PCCB: variants seen among roughly 807,000 people sequenced by gnomAD.
PCCB encodes propionyl-CoA carboxylase beta chain, mitochondrial.
A neutral mutation model predicts 60.7 loss-of-function variants in PCCB; 43 were observed. That is an observed-to-expected ratio of 0.71 (90% confidence interval 0.55 to 0.91). The LOEUF (loss-of-function observed/expected upper bound fraction) is 0.91. PCCB is among the 40% of genes least tolerant of loss of function. PCCB has a pLI of 0.00. For missense variants in PCCB, 766 were observed against 702.8 expected (o/e 1.09, Z -1.02); for synonymous variants, 276 against 255.9 (o/e 1.08, Z -0.75).
At chr3:136,308,368 A>G (rs1934525410) in intron 9 of PCCB, among the ~76,000 whole-genome samples, 3 of 151,812 alleles carry the variant, frequency 2.0e-5, no homozygotes, top group Admixed American at 1.3e-4. Context: ...CAGGAAGGAC[A>G]TTTTCAACTG....
intron 6 of PCCB, among the ~76,000 whole-genome samples, chr3:136,288,428 C>T (rs1220900380): frequency 6.6e-6 from 1 of 151,850 alleles, no homozygotes; most frequent in African/African-American, 2.4e-5. Flanking sequence ...TCACTGCAAC[C>T]TTCGGCTCCC....
chr3:136,293,669 C>T (rs1457933844), intron 6 of PCCB, 87 bp from the exon 7 acceptor site: 5 of 846,686 alleles, frequency 5.9e-6, no homozygotes, highest in Non-Finnish European at 1.0e-5. Flanking sequence ...ATCTTCTCTG[C>T]ATTTGTCATC....
chr3:136,293,747 T>C lies in PCCB; in HGVS notation c.655-9T>C. ...TGAGGTTGACTGTTCTGGAAATCTT[T>C]TATTTCAGGACACCTCCTACCTGTT... On this transcript the variant is annotated splice_polypyrimidine_tract_variant and intron_variant, in intron 6 of 14. Transcript: ENST00000251654. 6.4e-7 allele frequency: 1 copy of C among 1,573,486 alleles called. No individual in the cohort carries two copies.
chr3:136,270,506 T>A (rs931773055), intron 5 of PCCB, among the ~76,000 whole-genome samples: 1 of 126,428 alleles, frequency 7.9e-6, no homozygotes, highest in Admixed American at 7.5e-5. Context: ...TTTTTTGACA[T>A]TTTTTTTTTT....
rs1560002278 is a variant in PCCB at position 136,268,084 on chromosome 3, G to GTGTGTAGATA, written c.543+6020_543+6021insGTGTAGATAT. Among the ~76,000 whole-genome samples, 204 of 60,932 alleles carry GTGTGTAGATA rather than the reference G, an allele frequency of 3.3e-3. 2 individuals are homozygous for GTGTGTAGATA. The highest frequency in any genetic ancestry group is 0.01 in the Admixed American group (59 of 5,732). The allele number at this position is 60,932 out of a possible 152,430, so 40.0% of individuals were successfully genotyped here. On this transcript the variant is annotated intron_variant, in intron 5 of 14. Transcript: ENST00000251654. ...TGTGTGCGTGTGTGTGTGTGTGTGTGTAGATATATATATATATATATATAT... is the reference window on the plus strand; with the variant it reads ...TGTGTGCGTGTGTGTGTGTGTGTGTGTGTGTAGATATAGATATATATATATATATATATAT...
At chr3:136,315,826 CA>C (rs1030127256) in intron 9 of PCCB, among the ~76,000 whole-genome samples, 40 of 143,442 alleles carry the variant, frequency 2.8e-4, no homozygotes, top group Middle Eastern at 7.5e-3. Context: ...AGACCTGTCT[CA>C]AAAAAAAAAT....
Position 136,330,140 on chromosome 3 carries a change from TA to T in PCCB, c.*116del. 1.3e-6 allele frequency: 2 copies of T among 1,561,482 alleles called. No homozygotes were observed. The highest frequency in any genetic ancestry group is 1.7e-6 in the Non-Finnish European group (2 of 1,144,622). ...ATCCAAATAGTTGGATAACTTAGAA[TA>T]ACTAAGTTTATTAAATTCTAGAAAG... On this transcript the variant is annotated 3_prime_UTR_variant, in exon 15 of 15. Coordinates refer to ENST00000251654, the MANE Select transcript of PCCB (RefSeq NM_000532.5).
chr3:136,298,814 A>G (rs1025685014), intron 8 of PCCB, among the ~76,000 whole-genome samples: 5 of 152,194 alleles, frequency 3.3e-5, no homozygotes, highest in Non-Finnish European at 7.3e-5. Flanking sequence ...TTTCTTCTGC[A>G]GAAGGGATTT....
chr3:136,297,702 G>A (rs1390894999), intron 7 of PCCB, among the ~76,000 whole-genome samples: 1 of 152,180 alleles, frequency 6.6e-6, no homozygotes, highest in Non-Finnish European at 1.5e-5. Flanking sequence ...GCAAGGACCT[G>A]AATAAAGAAA....
intron 10 of PCCB, among the ~76,000 whole-genome samples, chr3:136,317,436 C>T (rs761227846): frequency 2.0e-5 from 3 of 151,564 alleles, no homozygotes; most frequent in Non-Finnish European, 4.4e-5. Context: ...GCCATGTTGC[C>T]TGTGCTGGTT....
At chr3:136,293,904 T>C in intron 7 of PCCB, 40 bp downstream of exon 7, 1 of 1,184,396 alleles carries the variant, frequency 8.4e-7, no homozygotes, top group Non-Finnish European at 1.3e-6. Flanking sequence ...TTTCAAACAT[T>C]GAGAAGAGGG....
At chr3:136,288,753 T>C (rs1933539845) in intron 6 of PCCB, among the ~76,000 whole-genome samples, 1 of 152,148 alleles carries the variant, frequency 6.6e-6, no homozygotes, top group Admixed American at 6.5e-5. Flanking sequence ...GATCCTCCTG[T>C]GTAGCTGGGA....
At chr3:136,329,834 T>G in intron 14 of PCCB, 71 bp from the exon 15 acceptor site, 1 of 1,572,490 alleles carries the variant, frequency 6.4e-7, no homozygotes, top group Non-Finnish European at 8.7e-7. Flanking sequence ...GTGCCCAGGC[T>G]GAGCAGAAGG....
chr3:136,260,123 G>C, intron 3 of PCCB: 2 of 384,938 alleles, frequency 5.2e-6, no homozygotes. Context: ...GCATAGGCTG[G>C]AATACAGTGG....
At position 136,253,664 on chromosome 3, in the gene PCCB, A is replaced by ATT. The variant is rs35923895; in HGVS notation, c.184-2172_184-2171dup. On this transcript the variant is annotated intron_variant, in intron 1 of 14. Coordinates refer to ENST00000251654, the MANE Select transcript of PCCB (RefSeq NM_000532.5). ...CCTCCCAAAGTGCTGGGATGACAGA[A>ATT]TTTTTTTTTTTTTTTTTTTTTCTTG... Among the ~76,000 whole-genome samples the ATT allele has an allele frequency of 3.7e-3, 455 of 123,450 alleles. 7 individuals are homozygous for ATT. In the East Asian group the frequency reaches 0.045, roughly 12 times the overall value. 81.0% of individuals were successfully genotyped at this position (123,450 alleles called of 152,430 possible). A position where few individuals can be genotyped will look rare whatever the true frequency, so the allele number is the denominator to read the frequency against.
chr3:136,297,913 G>A (rs375760796), intron 7 of PCCB, 39 bp from the exon 8 acceptor site: 27 of 1,613,504 alleles, frequency 1.7e-5, no homozygotes, highest in Non-Finnish European at 2.2e-5. Flanking sequence ...GGGCTGGCTG[G>A]TACCCTGACT....
At chr3:136,250,631 C>A in intron 1 of PCCB, 73 bp downstream of exon 1, 1 of 1,436,056 alleles carries the variant, frequency 7.0e-7, no homozygotes, top group Non-Finnish European at 9.4e-7. Context: ...CGGCTTGCGG[C>A]GTCCGAGGCC....
intron 8 of PCCB, among the ~76,000 whole-genome samples, chr3:136,299,970 G>A (rs773169832): frequency 6.6e-5 from 10 of 151,732 alleles, no homozygotes; most frequent in South Asian, 2.1e-4. Context: ...ATGTATGCAT[G>A]TATACACACA....
intron 1 of PCCB, 86 bp downstream of exon 1, chr3:136,250,644 C>G: frequency 7.4e-7 from 1 of 1,352,686 alleles, no homozygotes; most frequent in East Asian, 2.5e-5. Flanking sequence ...CCGAGGCCTC[C>G]CTGCCAATCC....
Sources: allele counts gnomAD v4.1 joint callset (sites outside exome capture counted in the v4.1 genomes callset), GRCh38; gene constraint gnomAD v4.1.1; transcripts MANE v1.5; gene names NCBI Gene and HGNC (gene_info 2026-07-23, HGNC 2026-07-21).